The following BOC variants were observed in gnomAD, a reference collection of about 807,000 sequenced individuals.
BOC encodes the protein brother of CDO.
In BOC, 76 loss-of-function variants were observed where a neutral mutation model predicts 112.0. That is an observed-to-expected ratio of 0.68 (90% confidence interval 0.56 to 0.82). The LOEUF (loss-of-function observed/expected upper bound fraction) is 0.82. BOC is among the 40% of genes least tolerant of loss of function. BOC has a pLI of 0.00. For missense variants in BOC, 1,309 were observed against 1,511.7 expected (o/e 0.87, Z 2.22); for synonymous variants, 580 against 599.8 (o/e 0.97, Z 0.48).
In BOC at chr3:113,274,940, A is replaced by T. The variant is rs181990754; in HGVS notation, c.1542+258A>T. 1.4e-3 allele frequency among the ~76,000 whole-genome samples: 209 copies of T among 152,340 alleles called. 1 individual carries two copies. The highest frequency in any genetic ancestry group is 3.9e-3 in the African/African-American group (162 of 41,578). On this transcript the variant is annotated intron_variant, in intron 9 of 19. Coordinates refer to ENST00000682979, the MANE Select transcript of BOC (RefSeq NM_001378074.1). The surrounding 1 kb of genome is among the most constrained non-coding windows in gnomAD (Gnocchi z 4.8). ...GTGCATCCAGTACTAAGCTCTATGC[A>T]CTCAATTCCCAGAAGCTCACACTGG...
chr3:113,282,662 C>T (rs1032323824), intron 15 of BOC, among the ~76,000 whole-genome samples: 50 of 151,890 alleles, frequency 3.3e-4, no homozygotes, highest in African/African-American at 1.1e-3. Context: ...GTAGAAGTCA[C>T]GGGACTAGGT....
At chr3:113,260,978 G>T (rs1224237193) in intron 4 of BOC, among the ~76,000 whole-genome samples, 2 of 152,162 alleles carry the variant, frequency 1.3e-5, no homozygotes, top group Admixed American at 6.5e-5. Context: ...TGCCAAAAAG[G>T]TTGGGGACCA....
intron 2 of BOC, among the ~76,000 whole-genome samples, chr3:113,247,515 A>AG (rs1945074914): frequency 6.6e-6 from 1 of 151,470 alleles, no homozygotes; most frequent in Non-Finnish European, 1.5e-5. Flanking sequence ...AAAAAAAAAA[A>AG]AAGGGAAAAA....
At position 113,284,397 on chromosome 3, in the gene BOC, G is replaced by A; in HGVS notation, c.2719G>A (p.Val907Met). The change falls in exon 17 of 20, where the codon GTG becomes ATG. Residue 907 changes from valine (V) to methionine (M), a missense_variant. By Grantham distance (21) the Val-to-Met change is conservative. Transcript: ENST00000682979. ...ALPPSCPYTMVPLGGLPGHQA... is the reference protein window; with the variant it reads ...ALPPSCPYTMMPLGGLPGHQA... ...TCCACCCTCCTGCCCGTATACTATG[G>A]TGCCATTGGGAGGACTCCCAGGCCA... 1 of 1,614,172 alleles carries A rather than the reference G, an allele frequency of 6.2e-7. No individual in the cohort carries two copies. Among genetic ancestry groups the A allele is most frequent in the East Asian group, 2.2e-5 (1 of 44,880 alleles).
At chr3:113,229,835 C>A (rs976788484) in intron 2 of BOC, among the ~76,000 whole-genome samples, 5 of 152,180 alleles carry the variant, frequency 3.3e-5, no homozygotes, top group African/African-American at 1.2e-4. Context: ...ACATTTCTGG[C>A]AGATATTCCT....
intron 2 of BOC, among the ~76,000 whole-genome samples, chr3:113,221,352 A>T (rs1238267509): frequency 6.6e-6 from 1 of 152,176 alleles, no homozygotes; most frequent in Non-Finnish European, 1.5e-5. Flanking sequence ...TACGGAGAGA[A>T]AGAAATGTGA....
intron 2 of BOC, among the ~76,000 whole-genome samples, chr3:113,230,713 T>C (rs887202116): frequency 2.6e-5 from 4 of 152,230 alleles, no homozygotes; most frequent in Non-Finnish European, 4.4e-5. Context: ...CTCAATCCCA[T>C]GTTGCAACAA....
intron 17 of BOC, 71 bp downstream of exon 17, chr3:113,284,638 G>T (rs1949504417): frequency 2.0e-6 from 3 of 1,536,654 alleles, no homozygotes; most frequent in South Asian, 2.3e-5. Context: ...GCCTTGGGGG[G>T]CCTCCTCCCT....
chr3:113,277,208 G>C (rs1948752039), intron 9 of BOC, among the ~76,000 whole-genome samples: 1 of 152,222 alleles, frequency 6.6e-6, no homozygotes, highest in African/African-American at 2.4e-5. Context: ...GAGGGGTCTA[G>C]AGAGGCCAGG....
intron 2 of BOC, among the ~76,000 whole-genome samples, chr3:113,248,139 A>G (rs1490040402): frequency 2.0e-5 from 3 of 152,172 alleles, no homozygotes; most frequent in African/African-American, 7.2e-5. Context: ...AGGGGTGCTC[A>G]TTGGGCAGTG....
At chr3:113,243,671 AAC>A (rs1303668965) in intron 2 of BOC, among the ~76,000 whole-genome samples, 2 of 152,114 alleles carry the variant, frequency 1.3e-5, no homozygotes, top group African/African-American at 4.8e-5. Flanking sequence ...CCACCCTGCA[AAC>A]ACAAGACTAG....
intron 2 of BOC, among the ~76,000 whole-genome samples, chr3:113,233,028 G>A (rs1285629536): frequency 6.6e-6 from 1 of 152,132 alleles, no homozygotes; most frequent in Non-Finnish European, 1.5e-5. Context: ...AAGAATGGTA[G>A]CTTCTCACCT....
chr3:113,223,067 C>T (rs546423006), intron 2 of BOC, among the ~76,000 whole-genome samples: 1 of 152,322 alleles, frequency 6.6e-6, no homozygotes, highest in South Asian at 2.1e-4. Context: ...TCACTTCTGA[C>T]TTGGTTCTAG....
intron 2 of BOC, among the ~76,000 whole-genome samples, chr3:113,233,533 T>C (rs1205989695): frequency 6.6e-6 from 1 of 152,178 alleles, no homozygotes; most frequent in Non-Finnish European, 1.5e-5. Context: ...CGCTAGTCTA[T>C]GTGACTACAG....
intron 4 of BOC, chr3:113,261,735 CTCCTT>C (rs1260755702): frequency 6.6e-5 from 10 of 152,180 alleles, no homozygotes; most frequent in Non-Finnish European, 1.5e-4. Flanking sequence ...TTTAGTCTCT[CTCCTT>C]CTTCCTCTCC....
chr3:113,287,084 G>C lies in BOC; in HGVS notation c.*222G>C. 1.7e-6 allele frequency: 1 copy of C among 581,802 alleles called. No homozygotes were observed. The highest frequency in any genetic ancestry group is 3.1e-6 in the Non-Finnish European group (1 of 318,174). The allele number at this position is 581,802 out of a possible 1,614,324, so 36.0% of individuals were successfully genotyped here. Reference sequence around the variant, plus strand: ...AAAATAAAGAAGCTGCCACCTAACAGGAGTCACCCAGGAAAGCACCGCACA... The same window carrying C: ...AAAATAAAGAAGCTGCCACCTAACACGAGTCACCCAGGAAAGCACCGCACA... On this transcript the variant is annotated 3_prime_UTR_variant, in exon 20 of 20. Coordinates refer to ENST00000682979, the MANE Select transcript of BOC (RefSeq NM_001378074.1).
intron 5 of BOC, chr3:113,270,523 A>C: frequency 5.2e-6 from 2 of 387,796 alleles, no homozygotes; most frequent in Non-Finnish European, 9.3e-6. Flanking sequence ...ATGCTCTTCT[A>C]TTGACCTATG....
intron 2 of BOC, among the ~76,000 whole-genome samples, chr3:113,236,280 GGGTATATATATATATATATATATA>G (rs1943478002): frequency 7.0e-5 from 3 of 42,562 alleles, no homozygotes; most frequent in African/African-American, 3.0e-4. Context: ...ATATACCCAT[GGGTATATATATATATATATATATA>G]TATATATACC....
chr3:113,250,346 G>A (rs1385445244), intron 3 of BOC, among the ~76,000 whole-genome samples: 1 of 152,174 alleles, frequency 6.6e-6, no homozygotes, highest in Non-Finnish European at 1.5e-5. Context: ...CAAAGCCCAA[G>A]CTCTTGCCTT....
Sources: allele counts gnomAD v4.1 joint callset (sites outside exome capture counted in the v4.1 genomes callset), GRCh38; gene constraint gnomAD v4.1.1; non-coding constraint Gnocchi (gnomAD v3.1); transcripts MANE v1.5; gene names NCBI Gene and HGNC (gene_info 2026-07-23, HGNC 2026-07-21).